SLC5A1: variants seen among roughly 807,000 people sequenced by gnomAD.
SLC5A1 encodes sodium/glucose cotransporter 1.
Under a neutral mutation model 73.5 loss-of-function variants are expected in SLC5A1, and 42 were observed. That is an observed-to-expected ratio of 0.57 (90% CI 0.45 to 0.74). The LOEUF (loss-of-function observed/expected upper bound fraction) is 0.74, where lower values mean the gene tolerates loss of function less well. Ranked by LOEUF, SLC5A1 falls within the 30% of genes least tolerant of loss-of-function variation. SLC5A1 has a pLI of 0.00. For synonymous variants in SLC5A1, 300 were observed against 317.4 expected (o/e 0.95, Z 0.58); for missense variants, 634 against 855.4 (o/e 0.74, Z 3.23).
At chr22:32,100,766 T>C (rs757598821) in intron 12 of SLC5A1, among the ~76,000 whole-genome samples, 23 of 152,168 alleles carry the variant, frequency 1.5e-4, no homozygotes, top group Non-Finnish European at 2.6e-4. Context: ...AGGGAACATA[T>C]TTTTTTCTTT....
At chr22:32,054,883 C>T (rs913296689) in intron 2 of SLC5A1, among the ~76,000 whole-genome samples, 1 of 152,052 alleles carries the variant, frequency 6.6e-6, no homozygotes, top group Non-Finnish European at 1.5e-5. Flanking sequence ...CCATGTTGGC[C>T]GGGCTGGTCT....
chr22:32,068,696 C>T (rs887818727), intron 5 of SLC5A1, 96 bp downstream of exon 5: 1 of 869,528 alleles, frequency 1.2e-6, no homozygotes, highest in African/African-American at 1.6e-5. Context: ...CTATACATTT[C>T]TATTAACTTG....
intron 2 of SLC5A1, among the ~76,000 whole-genome samples, chr22:32,056,853 T>G (rs1832069857): frequency 6.6e-6 from 1 of 152,222 alleles, no homozygotes; most frequent in Non-Finnish European, 1.5e-5. Flanking sequence ...GATGACTCTG[T>G]TTCTTTCAGG....
At chr22:32,076,219 G>A (rs923887273) in intron 5 of SLC5A1, among the ~76,000 whole-genome samples, 3 of 152,260 alleles carry the variant, frequency 2.0e-5, no homozygotes, top group Admixed American at 6.5e-5. Flanking sequence ...CAGGCCATTG[G>A]CAGCTGTGAT....
intron 5 of SLC5A1, among the ~76,000 whole-genome samples, chr22:32,076,990 T>C (rs971874639): frequency 3.3e-5 from 5 of 152,176 alleles, no homozygotes; most frequent in Non-Finnish European, 1.5e-5. Flanking sequence ...GCCAAGCCCA[T>C]TGTTTGTGTT....
intron 5 of SLC5A1, among the ~76,000 whole-genome samples, chr22:32,075,726 A>AT (rs2093989860): frequency 6.6e-6 from 1 of 152,060 alleles, no homozygotes; most frequent in Non-Finnish European, 1.5e-5. Flanking sequence ...CACACTGGGT[A>AT]TATGAAGGAT....
rs1322050418 is a variant in SLC5A1, at chr22:32,043,963, G to T, written c.135+547G>T. 6.6e-6 allele frequency among the ~76,000 whole-genome samples: 1 copy of T among 152,194 alleles called. No individual in the cohort carries two copies. The highest frequency in any genetic ancestry group is 1.9e-4 in the East Asian group (1 of 5,194). On this transcript the variant is annotated intron_variant, in intron 1 of 14. Transcript: ENST00000266088. This position sits in a 1 kb window ranked among gnomAD's most constrained non-coding sequence, Gnocchi z 6.5. ...GGCCTTGTGCATGAGGATCCCAGGG[G>T]CTGGATCAAGTTAGAGATGAGAAAG...
Position 32,043,457 on chromosome 22 carries a change from A to G in SLC5A1, c.135+41A>G. 1 of 1,609,298 alleles carries G rather than the reference A, an allele frequency of 6.2e-7. No individual in the cohort carries two copies. The highest frequency in any genetic ancestry group is 2.2e-5 in the East Asian group (1 of 44,742). On this transcript the variant is annotated intron_variant, in intron 1 of 14. Coordinates refer to ENST00000266088, the MANE Select transcript of SLC5A1 (RefSeq NM_000343.4). This position sits in a 1 kb window ranked among gnomAD's most constrained non-coding sequence, Gnocchi z 6.5. The stretch of plus-strand genomic sequence containing the variant: ...TGGGATGCGGGTGGGGAGGGTGCGC[A>G]CAGAGGAGGAGCAATGGCCTCGCTG...
chr22:32,063,925 C>T (rs373165796), intron 2 of SLC5A1, among the ~76,000 whole-genome samples: 1 of 152,130 alleles, frequency 6.6e-6, no homozygotes, highest in African/African-American at 2.4e-5. Context: ...ATTCTGATAC[C>T]CGAACTCTCC....
intron 3 of SLC5A1, among the ~76,000 whole-genome samples, chr22:32,067,756 T>C (rs1465329639): frequency 6.6e-6 from 1 of 152,182 alleles, no homozygotes; most frequent in African/African-American, 2.4e-5. Context: ...TGCTGTGATG[T>C]TGATGAGCAG....
chr22:32,048,487 C>T (rs904144994), intron 1 of SLC5A1, among the ~76,000 whole-genome samples: 5 of 152,230 alleles, frequency 3.3e-5, no homozygotes, highest in African/African-American at 9.6e-5. Flanking sequence ...ACTTTTTAGC[C>T]TGGCATTTGT....
intron 11 of SLC5A1, among the ~76,000 whole-genome samples, chr22:32,097,537 G>C (rs1431403441): frequency 6.6e-6 from 1 of 152,192 alleles, no homozygotes; most frequent in Non-Finnish European, 1.5e-5. Context: ...GTGAAACTCA[G>C]CAGGAGGAGA....
chr22:32,109,627 G>A (rs1477647906), intron 14 of SLC5A1, among the ~76,000 whole-genome samples: 1 of 152,138 alleles, frequency 6.6e-6, no homozygotes, highest in African/African-American at 2.4e-5. Flanking sequence ...TTTCAGAGTT[G>A]AGTTTTCCTT....
chr22:32,058,434 G>A (rs1449968243), intron 2 of SLC5A1, among the ~76,000 whole-genome samples: 1 of 152,122 alleles, frequency 6.6e-6, no homozygotes, highest in Non-Finnish European at 1.5e-5. Context: ...GGGCCCTTAC[G>A]TGGTTTCCAA....
At chr22:32,067,185 G>A in intron 3 of SLC5A1, 146 bp downstream of exon 3, 1 of 659,610 alleles carries the variant, frequency 1.5e-6, no homozygotes, top group Non-Finnish European at 2.8e-6. Context: ...CATGACTTCA[G>A]GAGCCTCAGG....
chr22:32,099,459 A>C (rs1247087663), intron 12 of SLC5A1, 108 bp downstream of exon 12: 1 of 1,115,746 alleles, frequency 9.0e-7, no homozygotes, highest in African/African-American at 1.5e-5. Context: ...GATCTTGAGC[A>C]GACACGGATG....
intron 10 of SLC5A1, among the ~76,000 whole-genome samples, chr22:32,087,775 A>C (rs1384288037): frequency 6.6e-6 from 1 of 152,196 alleles, no homozygotes; most frequent in African/African-American, 2.4e-5. Context: ...AGAAAAATTT[A>C]GAATAAACCT....
Position 32,104,791 on chromosome 22 carries a change from C to T in SLC5A1, c.1671C>T (p.Tyr557=), listed in dbSNP as rs201078847. The T allele has an allele frequency of 1.2e-6, 2 of 1,613,600 alleles. No individual in the cohort carries two copies. Among genetic ancestry groups the T allele is most frequent in the East Asian group, 2.2e-5 (1 of 44,892 alleles). The change falls in exon 14 of 15, where the codon TAC becomes TAT. Residue 557 remains tyrosine, a synonymous_variant. Transcript: ENST00000266088. ...CTGTTCTGCCTTCTCTGCAGCTCTACCGTCTGTGTTGGAGCCTGCGCAACA... is the reference window on the plus strand; with the variant it reads ...CTGTTCTGCCTTCTCTGCAGCTCTATCGTCTGTGTTGGAGCCTGCGCAACA... ...LTKPIPDVHL[Y]RLCWSLRNSK...
chr22:32,085,044 T>C lies in SLC5A1; in HGVS notation c.1021+9T>C, dbSNP rs773107387. ...CCGCATTCTGTACACAGGTAATAAC[T>C]TCTGCTGGACCCACAAACCACTCTC... On this transcript the variant is annotated intron_variant, in intron 9 of 14. Coordinates refer to ENST00000266088, the MANE Select transcript of SLC5A1 (RefSeq NM_000343.4). 6 of 1,614,148 alleles carry C rather than the reference T, an allele frequency of 3.7e-6. No individual in the cohort carries two copies. The Admixed American group carries it at 1.0e-4, about 27-fold the overall frequency.
Sources: allele counts gnomAD v4.1 joint callset (sites outside exome capture counted in the v4.1 genomes callset), GRCh38; gene constraint gnomAD v4.1.1; non-coding constraint Gnocchi (gnomAD v3.1); transcripts MANE v1.5; gene names NCBI Gene and HGNC (gene_info 2026-07-23, HGNC 2026-07-21).